Variants in HNF4G observed in about 807,000 individuals in gnomAD.
HNF4G encodes the protein hepatocyte nuclear factor 4-gamma.
In HNF4G, 21 loss-of-function variants were observed where a neutral mutation model predicts 50.9. The observed-to-expected ratio is 0.41, with a 90% CI of 0.29 to 0.59. The LOEUF (loss-of-function observed/expected upper bound fraction) is 0.59. Ranked by LOEUF, HNF4G falls within the 20% of genes least tolerant of loss-of-function variation. HNF4G has a pLI of 0.26. For missense variants in HNF4G, 527 were observed against 559.4 expected (o/e 0.94, Z 0.58); for synonymous variants, 198 against 185.6 (o/e 1.07, Z -0.54).
intron 1 of HNF4G, among the ~76,000 whole-genome samples, chr8:75,456,953 C>T (rs547354750): frequency 3.9e-5 from 6 of 152,198 alleles, no homozygotes; most frequent in Non-Finnish European, 2.9e-5. Context: ...CTATATTGCC[C>T]AGGCTGGTCT....
At chr8:75,464,450 AC>A (rs758165354) in intron 1 of HNF4G, among the ~76,000 whole-genome samples, 5 of 151,236 alleles carry the variant, frequency 3.3e-5, no homozygotes, top group African/African-American at 4.9e-5. Flanking sequence ...TCAGTTTTTT[AC>A]CCCCTCAAAG....
intron 2 of HNF4G, among the ~76,000 whole-genome samples, chr8:75,495,793 A>AC (rs1812754189): frequency 6.6e-6 from 1 of 152,012 alleles, no homozygotes; most frequent in Non-Finnish European, 1.5e-5. Context: ...CCGCCTTGGC[A>AC]CTTTTAATTT....
intron 1 of HNF4G, among the ~76,000 whole-genome samples, chr8:75,484,568 C>T (rs1812453743): frequency 3.9e-5 from 6 of 152,158 alleles, no homozygotes; most frequent in Admixed American, 3.9e-4. Flanking sequence ...CCACTTCAGC[C>T]ACATTATGTT....
intron 2 of HNF4G, among the ~76,000 whole-genome samples, chr8:75,490,963 G>T (rs2130681692): frequency 6.6e-6 from 1 of 152,168 alleles, no homozygotes; most frequent in African/African-American, 2.4e-5. Flanking sequence ...GGTGATTTAG[G>T]TCCAGAGTTA....
At chr8:75,478,018 C>T (rs964346246) in intron 1 of HNF4G, among the ~76,000 whole-genome samples, 60 of 151,098 alleles carry the variant, frequency 4.0e-4, no homozygotes, top group African/African-American at 1.3e-3. Flanking sequence ...CATAAATATA[C>T]ATTGAAATTT....
chr8:75,550,564 G>A (rs1466099989), intron 3 of HNF4G, among the ~76,000 whole-genome samples: 1 of 151,838 alleles, frequency 6.6e-6, no homozygotes, highest in Non-Finnish European at 1.5e-5. Context: ...CAAAGTGCTG[G>A]GATTACAGAC....
At chr8:75,529,337 G>A (rs1806268570) in intron 2 of HNF4G, among the ~76,000 whole-genome samples, 1 of 151,488 alleles carries the variant, frequency 6.6e-6, no homozygotes, top group East Asian at 1.9e-4. Flanking sequence ...ACTACCATCA[G>A]AACAGCATGG....
intron 2 of HNF4G, among the ~76,000 whole-genome samples, chr8:75,522,958 G>A (rs763036757): frequency 8.5e-5 from 13 of 152,118 alleles, no homozygotes; most frequent in Non-Finnish European, 1.9e-4. Flanking sequence ...CAGACGCGGT[G>A]GTTCATGCCT....
intron 1 of HNF4G, among the ~76,000 whole-genome samples, chr8:75,432,547 C>A (rs975393185): frequency 6.6e-6 from 1 of 152,068 alleles, no homozygotes; most frequent in African/African-American, 2.4e-5. Flanking sequence ...GTGATCTGCC[C>A]GCCTCTGCCT....
rs138073987 is a variant in HNF4G, at chr8:75,490,485, G to T, written c.-24+277G>T. ...TATAAAATATCATAAATGTTTATAT[G>T]CACGTTTGGAGCCTGGCACTGGGCA... On this transcript the variant is annotated intron_variant, in intron 2 of 10. Coordinates refer to the HNF4G transcript ENST00000354370. Among the ~76,000 whole-genome samples the T allele has an allele frequency of 8.9e-3, 1,355 of 152,136 alleles. 6 individuals carry two copies. The highest frequency in any genetic ancestry group is 0.014 in the Middle Eastern group (4 of 294).
At chr8:75,436,015 A>C (rs950708211) in intron 1 of HNF4G, among the ~76,000 whole-genome samples, 1 of 152,204 alleles carries the variant, frequency 6.6e-6, no homozygotes, top group African/African-American at 2.4e-5. Flanking sequence ...ATTTGTATAT[A>C]TCAATAGTCT....
chr8:75,429,005 T>C (rs545983511), intron 1 of HNF4G, among the ~76,000 whole-genome samples: 2 of 152,234 alleles, frequency 1.3e-5, no homozygotes, highest in South Asian at 2.1e-4. Flanking sequence ...TGGTAGAGAA[T>C]ATGAGAAGAG....
At chr8:75,540,911 A>G (rs1806602341) in intron 1 of HNF4G, among the ~76,000 whole-genome samples, 1 of 149,796 alleles carries the variant, frequency 6.7e-6, no homozygotes, top group South Asian at 2.1e-4. Flanking sequence ...TATATCTTGT[A>G]CTGAGGATAT....
In HNF4G at chr8:75,556,063, C is replaced by A; in HGVS notation, c.727C>A (p.Leu243Ile). The change falls in exon 6 of 10, where the codon CTT becomes ATT. Residue 243 changes from leucine (L) to isoleucine (I), a missense_variant. Coordinates refer to ENST00000396423, the MANE Select transcript of HNF4G (RefSeq NM_004133.5). ...ATCCATGATGTATAAAGATATTTTG[C>A]TTTTGGGTAAGTTTTTTTTTTTTAA... is the stretch of plus-strand genomic sequence containing the variant. Reference protein sequence around the residue: ...KRSMMYKDILLLGNNYVIHRN... With the variant: ...KRSMMYKDILILGNNYVIHRN... 2 of 1,498,572 alleles carry A rather than the reference C, an allele frequency of 1.3e-6. No individual in the cohort carries two copies. Among genetic ancestry groups the A allele is most frequent in the Non-Finnish European group, 1.8e-6 (2 of 1,128,382 alleles). The allele number at this position is 1,498,572 out of a possible 1,614,324, so 92.8% of individuals were successfully genotyped here.
intron 2 of HNF4G, among the ~76,000 whole-genome samples, chr8:75,517,180 C>G (rs528795050): frequency 1.3e-5 from 2 of 152,280 alleles, no homozygotes; most frequent in East Asian, 3.9e-4. Context: ...TACCTCCCAT[C>G]GGGTACCTCC....
upstream of HNF4G, among the ~76,000 whole-genome samples, chr8:75,534,905 G>T (rs1428525066): frequency 6.6e-6 from 1 of 151,676 alleles, no homozygotes; most frequent in Non-Finnish European, 1.5e-5. Flanking sequence ...TAGAAGTTCA[G>T]TTTAAATTTT....
chr8:75,462,557 C>T (rs936597622), intron 1 of HNF4G, among the ~76,000 whole-genome samples: 6 of 152,178 alleles, frequency 3.9e-5, no homozygotes, highest in East Asian at 1.9e-4. Context: ...TTTTAGACTA[C>T]AGTTGACTGG....
chr8:75,512,879 T>C (rs753638930), intron 2 of HNF4G, among the ~76,000 whole-genome samples: 4 of 152,236 alleles, frequency 2.6e-5, no homozygotes, highest in Non-Finnish European at 5.9e-5. Context: ...ATTTTATTTT[T>C]ATACATTACT....
At chr8:75,506,103 C>T (rs1258665908) in intron 2 of HNF4G, among the ~76,000 whole-genome samples, 9 of 151,826 alleles carry the variant, frequency 5.9e-5, no homozygotes, top group Non-Finnish European at 1.2e-4. Context: ...TAACATTAGG[C>T]ATATATTAGA....
Sources: gnomAD v4.1 joint callset for allele counts (sites outside exome capture counted in the v4.1 genomes callset) on GRCh38, gnomAD v4.1.1 for gene constraint, MANE v1.5 for transcripts, NCBI Gene and HGNC (gene_info 2026-07-23, HGNC 2026-07-21) for gene names.